The following CEP192 variants were observed in gnomAD, a reference collection of about 807,000 sequenced individuals.
The protein encoded by CEP192 is centrosomal protein of 192 kDa.
CEP192 carries 151 observed loss-of-function variants against 271.8 expected under a neutral mutation model. That is an observed-to-expected ratio of 0.56 (90% CI 0.49 to 0.64). CEP192 has a LOEUF of 0.64. Among genes scored for constraint, CEP192 ranks in the 30% least tolerant of loss-of-function variants. The pLI is 0.00. For synonymous variants in CEP192, 995 were observed against 1,076.5 expected (o/e 0.92, Z 1.48); for missense variants, 2,910 against 3,020.5 (o/e 0.96, Z 0.86).
intron 12 of CEP192, among the ~76,000 whole-genome samples, chr18:13,037,505 A>G (rs2035979925): frequency 6.6e-6 from 1 of 152,208 alleles, no homozygotes; most frequent in Non-Finnish European, 1.5e-5. Flanking sequence ...ACATACTGAA[A>G]TATATCTTTA....
At position 13,119,459 on chromosome 18, in the gene CEP192, T is replaced by C. The variant is rs566164468; in HGVS notation, c.7475+1816T>C. Among the ~76,000 whole-genome samples the C allele has an allele frequency of 2.4e-4, 37 of 152,320 alleles. No homozygotes were observed. In the East Asian group the frequency reaches 6.7e-3, roughly 28 times the overall value. ...TTCTTACCTTAAAAAATATATTTTT[T>C]AGGCTGGGTGTGGTGGCTCACACCT... On this transcript the variant is annotated intron_variant, in intron 44 of 44. Coordinates refer to ENST00000506447, the MANE Select transcript of CEP192 (RefSeq NM_032142.4).
rs370274628 is a variant in CEP192, at chr18:13,112,884, C to G, written c.7048-702C>G. Among the ~76,000 whole-genome samples, 13 of 152,324 alleles carry G rather than the reference C, an allele frequency of 8.5e-5. No homozygotes were observed. In the East Asian group the frequency reaches 2.1e-3, roughly 25 times the overall value. ...TAACCTGATTCATTGTTAACTGATT[C>G]ATTGTTAAGTGATCAGTATTATCAA... On this transcript the variant is annotated intron_variant, in intron 40 of 44. Transcript: ENST00000506447.
In CEP192 at chr18:13,001,540, C is replaced by T. The variant is rs1175106796; in HGVS notation, c.248C>T (p.Ala83Val). 8 of 1,550,860 alleles carry T rather than the reference C, an allele frequency of 5.2e-6. No homozygotes were observed. The highest frequency in any genetic ancestry group is 2.4e-5 in the East Asian group (1 of 40,926). The change falls in exon 3 of 45, where the codon GCT becomes GTT. Residue 83 changes from alanine to valine, a missense_variant. By Grantham distance (64) the Ala-to-Val change is moderately conservative (BLOSUM62 0). Coordinates refer to ENST00000506447, the MANE Select transcript of CEP192 (RefSeq NM_032142.4). ...TCATCTCCCGGAAGCCAGAGTGATG[C>T]TGAACCAAGAGAGAGGTTACAGCTT... ...SGSSPGSQSD[A>V]EPRERLQLSF...
chr18:13,088,056 A>G (rs376262307), intron 32 of CEP192, among the ~76,000 whole-genome samples: 5 of 152,238 alleles, frequency 3.3e-5, no homozygotes, highest in Non-Finnish European at 7.3e-5. Context: ...ATTTCTGGGA[A>G]TGCTGTGAAT....
intron 40 of CEP192, 139 bp downstream of exon 40, chr18:13,105,218 C>T: frequency 1.5e-6 from 1 of 673,592 alleles, no homozygotes; most frequent in Non-Finnish European, 2.6e-6. Flanking sequence ...AAGAGTCTGC[C>T]TCACTTACAA....
chr18:13,029,647 A>G lies in CEP192; in HGVS notation c.1051-16A>G. 1 of 1,448,952 alleles carries G rather than the reference A, an allele frequency of 6.9e-7. No homozygotes were observed. The highest frequency in any genetic ancestry group is 9.2e-7 in the Non-Finnish European group (1 of 1,089,652). 89.8% of individuals were successfully genotyped at this position (1,448,952 alleles called of 1,614,324 possible). On this transcript the variant is annotated splice_polypyrimidine_tract_variant and intron_variant, in intron 9 of 44. Transcript: ENST00000506447. ...TACTGTTGCTCTGTTAAAAAATCTG[A>G]TTTTTTGTTTTAAAGGAATGTGCAA...
intron 44 of CEP192, among the ~76,000 whole-genome samples, chr18:13,118,258 A>C (rs1410083845): frequency 6.7e-6 from 1 of 150,138 alleles, no homozygotes; most frequent in Non-Finnish European, 1.5e-5. Flanking sequence ...TTTTAATTTC[A>C]TCTTTGAATC....
intron 42 of CEP192, 138 bp from the exon 43 acceptor site, chr18:13,116,224 AATTAGATAAGTCGTC>A: frequency 2.7e-6 from 2 of 751,730 alleles, no homozygotes; most frequent in Non-Finnish European, 4.2e-6. Context: ...TCTTCACATA[AATTAGATAAGTCGTC>A]ATTACAAAAC....
intron 15 of CEP192, among the ~76,000 whole-genome samples, chr18:13,047,868 A>G (rs768369403): frequency 2.6e-5 from 4 of 152,190 alleles, no homozygotes; most frequent in Non-Finnish European, 4.4e-5. Flanking sequence ...TTCAATCTCA[A>G]TATCTTAAGT....
At position 13,038,373 on chromosome 18, in the gene CEP192, G is replaced by T. The variant is rs1364699035; in HGVS notation, c.1603G>T (p.Glu535Ter). The change falls in exon 13 of 45, where the codon GAA becomes TAA. Residue 535 changes from glutamate to a stop codon, truncating the protein, a stop_gained. Coordinates refer to ENST00000506447, the MANE Select transcript of CEP192 (RefSeq NM_032142.4). LOFTEE classifies it high-confidence loss of function. Reference protein sequence around the residue: ...FNKEHQFIQEENIDAHNTSVA... With the variant: ...FNKEHQFIQE ...GAAACAATAACTTTCTCCCTAGGAA[G>T]AAAACATAGATGCTCATAATACTTC... is the stretch of plus-strand genomic sequence containing the variant. 6.4e-7 allele frequency: 1 copy of T among 1,550,702 alleles called. No homozygotes were observed. The highest frequency in any genetic ancestry group is 1.4e-5 in the African/African-American group (1 of 72,998).
intron 4 of CEP192, among the ~76,000 whole-genome samples, chr18:13,011,670 C>G (rs2034369806): frequency 6.6e-6 from 1 of 152,154 alleles, no homozygotes; most frequent in Non-Finnish European, 1.5e-5. Context: ...GCATGCACCA[C>G]TACACCCAGC....
At chr18:13,093,020 G>A (rs185609304) in intron 34 of CEP192, among the ~76,000 whole-genome samples, 3 of 152,212 alleles carry the variant, frequency 2.0e-5, no homozygotes, top group Admixed American at 6.5e-5. Context: ...TTAGCCAGGC[G>A]TGGTGGTGGG....
chr18:13,087,556 C>T lies in CEP192; in HGVS notation c.5903C>T (p.Ser1968Leu), dbSNP rs1388373521. 1.3e-6 allele frequency: 2 copies of T among 1,532,026 alleles called. No individual in the cohort carries two copies. Among genetic ancestry groups the T allele is most frequent in the Admixed American group, 1.9e-5 (1 of 52,436 alleles). 94.9% of individuals were successfully genotyped at this position (1,532,026 alleles called of 1,614,324 possible). A position where few individuals can be genotyped will look rare whatever the true frequency, so the allele number is the denominator to read the frequency against. The change falls in exon 32 of 45, where the codon TCA becomes TTA. Residue 1968 changes from serine to leucine, a missense_variant. Transcript: ENST00000506447. ...AATGTTACTTTAATATATAATCCAT[C>T]AGACAGAGGAATCAATAATAAAACT... is the stretch of plus-strand genomic sequence containing the variant. ...QENVTLIYNPSDRGINNKTAT... is the reference protein window; with the variant it reads ...QENVTLIYNPLDRGINNKTAT...
chr18:13,017,091 A>G, intron 6 of CEP192, 97 bp from the exon 7 acceptor site: 1 of 901,330 alleles, frequency 1.1e-6, no homozygotes, highest in Non-Finnish European at 1.6e-6. Context: ...ATCTTAGTCC[A>G]TTGACTCATT....
At chr18:13,044,339 G>C (rs2036364581) in intron 15 of CEP192, among the ~76,000 whole-genome samples, 1 of 152,086 alleles carries the variant, frequency 6.6e-6, no homozygotes, top group African/African-American at 2.4e-5. Context: ...AAAGAGTATT[G>C]ATGTCATGAT....
intron 12 of CEP192, among the ~76,000 whole-genome samples, chr18:13,037,600 C>A (rs1251337279): frequency 6.6e-6 from 1 of 152,158 alleles, no homozygotes; most frequent in Non-Finnish European, 1.5e-5. Flanking sequence ...CTGTGTCACC[C>A]AGGCTGGAGT....
At chr18:13,119,594 T>G (rs1045915186) in intron 44 of CEP192, among the ~76,000 whole-genome samples, 1 of 152,194 alleles carries the variant, frequency 6.6e-6, no homozygotes, top group East Asian at 1.9e-4. Flanking sequence ...CTGCAAAAAT[T>G]AGCCACGCAT....
At chr18:13,050,195 A>G (rs769058400) in intron 17 of CEP192, among the ~76,000 whole-genome samples, 5 of 152,162 alleles carry the variant, frequency 3.3e-5, no homozygotes, top group Non-Finnish European at 1.5e-5. Context: ...CTGTTTTGCT[A>G]TATAAATGAT....
chr18:13,082,474 G>A (rs532510148), intron 30 of CEP192, among the ~76,000 whole-genome samples: 1 of 114,628 alleles, frequency 8.7e-6, no homozygotes, highest in East Asian at 2.8e-4. Flanking sequence ...CTTTTGCTTG[G>A]TAGATCTTCC....
Sources: allele counts gnomAD v4.1 joint callset (sites outside exome capture counted in the v4.1 genomes callset), GRCh38; gene constraint gnomAD v4.1.1; transcripts MANE v1.5; gene names NCBI Gene and HGNC (gene_info 2026-07-23, HGNC 2026-07-21).